BAG6: variants seen among roughly 807,000 people sequenced by gnomAD.
The protein encoded by BAG6 is BAG cochaperone 6, also known as large proline-rich protein BAG6.
Under a neutral mutation model 121.0 loss-of-function variants are expected in BAG6, and 22 were observed. That is an observed-to-expected ratio of 0.18 (90% CI 0.13 to 0.26). The LOEUF is 0.26. BAG6 is among the 10% of genes least tolerant of loss of function. The pLI is 1.00. For synonymous variants in BAG6, 583 were observed against 584.6 expected, an observed-to-expected ratio of 1.00 and a Z score of 0.04; for missense variants, 1,233 against 1,537.7, an observed-to-expected ratio of 0.80 and a Z score of 3.31.
At position 31,645,881 on chromosome 6, in the gene BAG6, G is replaced by A. The variant is rs77250029; in HGVS notation, c.919-277C>T. On this transcript the variant is annotated intron_variant, in intron 8 of 25. Coordinates refer to ENST00000676615, the MANE Select transcript of BAG6 (RefSeq NM_001387994.1). The stretch of plus-strand genomic sequence containing the variant: ...ATTCATTCAGGGGCACAAGGGGTAC[G>A]ATACGAGGACAGTGCTTACAGCAAA... Among the ~76,000 whole-genome samples, 513 of 152,336 alleles carry A rather than the reference G, an allele frequency of 3.4e-3. 1 individual carries two copies. Among genetic ancestry groups the A allele is most frequent in the Non-Finnish European group, 5.8e-3 (392 of 68,034 alleles).
chr6:31,643,803 C>A, intron 14 of BAG6, 87 bp downstream of exon 14: 1 of 1,353,112 alleles, frequency 7.4e-7, no homozygotes, highest in South Asian at 1.3e-5. Context: ...AAGCAGGAAC[C>A]AAGAAAATAT....
rs1012816533 is a variant in BAG6 at position 31,639,087 on chromosome 6, G to C, written c.*44C>G. The C allele has an allele frequency of 6.7e-7, 1 of 1,503,742 alleles. No homozygotes were observed. The allele number at this position is 1,503,742 out of a possible 1,614,324, so 93.1% of individuals were successfully genotyped here. On this transcript the variant is annotated 3_prime_UTR_variant, in exon 26 of 26. Coordinates refer to ENST00000676615, the MANE Select transcript of BAG6 (RefSeq NM_001387994.1). ...TTTCTTAAATACTGTGAAGGAAGAG[G>C]GGGGAAACGGTCCCCTGATGAGGAA...
chr6:31,645,223 G>A (rs376767943), intron 9 of BAG6, 25 bp from the exon 10 acceptor site: 2 of 1,601,466 alleles, frequency 1.2e-6, no homozygotes, highest in African/African-American at 1.3e-5. Flanking sequence ...TGGACAGGCA[G>A]ATGTGAGAAA....
rs763123566 is a variant in BAG6 at position 31,644,519 on chromosome 6, T to A, written c.1447+6A>T. 1 of 1,607,926 alleles carries A rather than the reference T, an allele frequency of 6.2e-7. No homozygotes were observed. Among genetic ancestry groups the A allele is most frequent in the South Asian group, 1.1e-5 (1 of 90,242 alleles). On this transcript the variant is annotated splice_donor_region_variant and intron_variant, in intron 11 of 25. Coordinates refer to ENST00000676615, the MANE Select transcript of BAG6 (RefSeq NM_001387994.1). This position sits in a 1 kb window ranked among gnomAD's most constrained non-coding sequence, Gnocchi z 4.9. Reference sequence around the variant, plus strand: ...GCTCAGCCTGCCCTGATGCCCTCACTCTTACCCAGGGTTTGGCCATGACCA... The same window carrying A: ...GCTCAGCCTGCCCTGATGCCCTCACACTTACCCAGGGTTTGGCCATGACCA...
chr6:31,640,870 A>C lies in BAG6; in HGVS notation c.2856T>G (p.Leu952=). The change falls in exon 21 of 26, where the codon CTT becomes CTG. Residue 952 remains leucine (L), a synonymous_variant. Transcript: ENST00000676615. The surrounding 1 kb of genome is among the most constrained non-coding windows in gnomAD (Gnocchi z 4.2). ...SWLTTMMGLR[L]QVVLEHMPVG... ...CAGGCATGTGCTCCAGTACCACCTG[A>C]AGCCTCAGTCCCATCATAGTGGTCA... 1 of 1,612,738 alleles carries C rather than the reference A, an allele frequency of 6.2e-7. No homozygotes were observed. The highest frequency in any genetic ancestry group is 8.5e-7 in the Non-Finnish European group (1 of 1,180,028).
In BAG6 at chr6:31,651,792, G is replaced by A. The variant is rs756551407; in HGVS notation, c.-13-16C>T. On this transcript the variant is annotated splice_polypyrimidine_tract_variant and intron_variant, in intron 1 of 25. Coordinates refer to ENST00000676615, the MANE Select transcript of BAG6 (RefSeq NM_001387994.1). ...CGACAGGTCTCTAAAGAAGAACGAAGGAAGGAAGGCCCGCTGTTGCCCAGA... is the reference window on the plus strand; with the variant it reads ...CGACAGGTCTCTAAAGAAGAACGAAAGAAGGAAGGCCCGCTGTTGCCCAGA... 5 of 1,601,660 alleles carry A rather than the reference G, an allele frequency of 3.1e-6. No homozygotes were observed. The highest frequency in any genetic ancestry group is 1.3e-5 in the African/African-American group (1 of 74,768).
intron 24 of BAG6, 114 bp from the exon 25 acceptor site, chr6:31,639,760 A>C: frequency 7.8e-7 from 1 of 1,275,092 alleles, no homozygotes. Context: ...GCTAGTGGAG[A>C]GAGGGGAAAT....
At chr6:31,650,665 CAAA>C (rs1159426518) in intron 2 of BAG6, among the ~76,000 whole-genome samples, 4 of 76,590 alleles carry the variant, frequency 5.2e-5, no homozygotes, top group Non-Finnish European at 5.4e-5. Flanking sequence ...AACTCCATCT[CAAA>C]AAAAAAAAAA....
At chr6:31,651,982 G>C (rs1165264478) in intron 1 of BAG6, 3 of 514,394 alleles carry the variant, frequency 5.8e-6, no homozygotes, top group Non-Finnish European at 1.1e-5. Context: ...GGGAGCTGGA[G>C]GACGAGAGGT....
chr6:31,644,810 C>A lies in BAG6; in HGVS notation c.1369+136G>T. ...CCCCCACACCCCCCACATCTGTCTA[C>A]TTAAGCTTCTGCTCTGGTCCCCAGG... On this transcript the variant is annotated intron_variant, in intron 10 of 25. Coordinates refer to ENST00000676615, the MANE Select transcript of BAG6 (RefSeq NM_001387994.1). The surrounding 1 kb of genome is among the most constrained non-coding windows in gnomAD (Gnocchi z 4.9). 1 of 1,424,134 alleles carries A rather than the reference C, an allele frequency of 7.0e-7. No homozygotes were observed. Among genetic ancestry groups the A allele is most frequent in the Non-Finnish European group, 9.6e-7 (1 of 1,044,282 alleles). 88.2% of individuals were successfully genotyped at this position (1,424,134 alleles called of 1,614,324 possible). A position where few individuals can be genotyped will look rare whatever the true frequency, so the allele number is the denominator to read the frequency against.
chr6:31,649,766 C>T (rs1480536697), intron 2 of BAG6, 139 bp from the exon 3 acceptor site: 1 of 724,350 alleles, frequency 1.4e-6, no homozygotes, highest in East Asian at 2.5e-5. Context: ...GAGATCATTA[C>T]TGTGCAAACC....
Position 31,649,373 on chromosome 6 carries a change from G to A in BAG6, c.249C>T (p.His83=), listed in dbSNP as rs115963254. ...TCTGAGGAGGAGCCCGTTCCACCAG[G>A]TGGATAACCTTTCCCCCAACATCTG... is the stretch of plus-strand genomic sequence containing the variant. The part of the protein sequence containing the change: ...QEYNVGGKVI[H]LVERAPPQTH... Residue 83 remains histidine, a synonymous_variant, in exon 4 of 26, where the codon CAC becomes CAT. Transcript: ENST00000676615. The A allele has an allele frequency of 7.0e-4, 1,129 of 1,606,390 alleles. 8 individuals are homozygous for A. In the African/African-American group the frequency reaches 0.013, roughly 18 times the overall value.
Position 31,641,121 on chromosome 6 carries a change from C to T in BAG6, c.2770G>A (p.Val924Ile). Residue 924 changes from valine to isoleucine, a missense_variant, in exon 20 of 26, where the codon GTT (valine) becomes ATT (isoleucine). Coordinates refer to ENST00000676615, the MANE Select transcript of BAG6 (RefSeq NM_001387994.1). This position sits in a 1 kb window ranked among gnomAD's most constrained non-coding sequence, Gnocchi z 5.7. ...LGGQQMELAA[V>I]INGRIRRMSR... ...GTGCTTACAATTCGGCCATTGATAA[C>T]AGCAGCAAGCTCCATCTGCTGTCCC... The T allele has an allele frequency of 6.2e-7, 1 of 1,613,060 alleles. No individual in the cohort carries two copies. The highest frequency in any genetic ancestry group is 1.1e-5 in the South Asian group (1 of 91,084).
chr6:31,642,177 G>A lies in BAG6; in HGVS notation c.2270C>T (p.Ala757Val). The change falls in exon 16 of 26, where the codon GCT becomes GTT. Residue 757 changes from alanine (A) to valine (V), a missense_variant. Transcript: ENST00000676615. ...TCCACTGAGGCGTTGTATGAAGGCA[G>A]CAATACTTTCACTGCTGCCAGCCCG... The part of the protein sequence containing the change: ...GARAGSSESI[A>V]AFIQRLSGSS... 6.2e-7 allele frequency: 1 copy of A among 1,612,930 alleles called. No individual in the cohort carries two copies. Among genetic ancestry groups the A allele is most frequent in the Non-Finnish European group, 8.5e-7 (1 of 1,180,002 alleles).
chr6:31,648,981 G>C lies in BAG6; in HGVS notation c.424-17C>G. On this transcript the variant is annotated splice_polypyrimidine_tract_variant and intron_variant, in intron 4 of 25. Transcript: ENST00000676615. ...GCCGTCACTCTGGGGAAAGGGTAAG[G>C]GAAGTTGTTCTGGGAGAAGCCAACA... The C allele has an allele frequency of 1.3e-6, 2 of 1,524,364 alleles. No homozygotes were observed. The highest frequency in any genetic ancestry group is 1.8e-6 in the Non-Finnish European group (2 of 1,140,108). 94.4% of individuals were successfully genotyped at this position (1,524,364 alleles called of 1,614,324 possible).
intron 6 of BAG6, 52 bp downstream of exon 6, chr6:31,648,625 G>A: frequency 6.3e-7 from 1 of 1,580,792 alleles, no homozygotes; most frequent in South Asian, 1.1e-5. Context: ...CAGGCTGAGA[G>A]AAAAGGGAGA....
Position 31,639,189 on chromosome 6 carries a change from G to A in BAG6, c.3431C>T (p.Pro1144Leu), listed in dbSNP as rs371932652. 1 of 1,613,904 alleles carries A rather than the reference G, an allele frequency of 6.2e-7. No individual in the cohort carries two copies. The highest frequency in any genetic ancestry group is 8.5e-7 in the Non-Finnish European group (1 of 1,179,974). Residue 1144 changes from proline to leucine, a missense_variant, in exon 26 of 26, where the codon CCC becomes CTC. Physicochemically the swap from Pro to Leu is moderately conservative, Grantham distance 98. Transcript: ENST00000676615. ...SDIQKRLQED[P>L]NYSPQRFPNA... ...GGGGAAGCGCTGGGGACTGTAGTTG[G>A]GGTCTTCCTGCAGTCGTTTTTGTAT...
chr6:31,639,911 AG>A (rs1484424176), intron 24 of BAG6: 1 of 617,042 alleles, frequency 1.6e-6, no homozygotes, highest in African/African-American at 1.8e-5. Context: ...ATTCAGAGCT[AG>A]GTAATCCACA....
At position 31,648,696 on chromosome 6, in the gene BAG6, G is replaced by C. The variant is rs760891794; in HGVS notation, c.533C>G (p.Thr178Ser). The stretch of plus-strand genomic sequence containing the variant: ...ACTTACCTCCATCCGGGATAGTAAG[G>C]TCTGTATATCCCTGATCATGTGCTG... ...MAQHMIRDIQ[T>S]LLSRMECRGG... Residue 178 changes from threonine to serine, a missense_variant, in exon 6 of 26, where the codon ACC (threonine) becomes AGC (serine). Transcript: ENST00000676615. 8 of 1,613,860 alleles carry C rather than the reference G, an allele frequency of 5.0e-6. No individual in the cohort carries two copies. The African/African-American group carries it at 1.1e-4, about 22-fold the overall frequency.
Sources: allele counts gnomAD v4.1 joint callset (sites outside exome capture counted in the v4.1 genomes callset), GRCh38; gene constraint gnomAD v4.1.1; non-coding constraint Gnocchi (gnomAD v3.1); transcripts MANE v1.5; gene names NCBI Gene and HGNC (gene_info 2026-07-23, HGNC 2026-07-21).